Variants in CDH17 observed in about 807,000 individuals in gnomAD.
The protein encoded by CDH17 is cadherin 17.
A neutral mutation model predicts 86.3 loss-of-function variants in CDH17; 67 were observed. The ratio of observed to expected loss-of-function variants is 0.78; its 90% CI spans 0.64 to 0.95. CDH17 has a LOEUF of 0.95. CDH17 is among the 40% of genes least tolerant of loss of function. The pLI, the probability that CDH17 is intolerant of heterozygous loss-of-function variation, is 0.00. For synonymous variants in CDH17, 367 were observed against 366.4 expected, an observed-to-expected ratio of 1.00 and a Z score of -0.02; for missense variants, 993 against 1,017.6, an observed-to-expected ratio of 0.98 and a Z score of 0.33.
intron 3 of CDH17, among the ~76,000 whole-genome samples, chr8:94,181,539 C>A (rs992462740): frequency 1.3e-5 from 2 of 151,098 alleles, no homozygotes; most frequent in Admixed American, 1.3e-4. Context: ...CTCTAAAAAC[C>A]AAAGGTCAAA....
chr8:94,182,147 A>C (rs1202662850), intron 3 of CDH17, among the ~76,000 whole-genome samples: 1 of 152,120 alleles, frequency 6.6e-6, no homozygotes, highest in Non-Finnish European at 1.5e-5. Flanking sequence ...AAATTTCCAC[A>C]CACAAAAAAG....
chr8:94,134,866 T>G (rs1812491353), intron 15 of CDH17, among the ~76,000 whole-genome samples: 1 of 152,248 alleles, frequency 6.6e-6, no homozygotes, highest in African/African-American at 2.4e-5. Flanking sequence ...TGTGTGTTTG[T>G]TCTCATTGGT....
chr8:94,177,430 G>C (rs563668485), intron 4 of CDH17, among the ~76,000 whole-genome samples, 157 bp downstream of exon 4: 1 of 152,318 alleles, frequency 6.6e-6, no homozygotes, highest in South Asian at 2.1e-4. Flanking sequence ...TCTGTAGTTG[G>C]TAAGAAATGG....
chr8:94,151,736 C>T lies in CDH17; in HGVS notation c.1796+132G>A, dbSNP rs1812859042. On this transcript the variant is annotated intron_variant, in intron 13 of 17. Coordinates refer to ENST00000027335, the MANE Select transcript of CDH17 (RefSeq NM_004063.4). ...CCCAGGGTGTTGACAGCTTCCTAAA[C>T]CAAAGCCAATTTCATCATTGCTGGG... The T allele has an allele frequency of 4.1e-6, 5 of 1,233,962 alleles. 1 individual carries two copies. The South Asian group carries it at 7.2e-5, about 18-fold the overall frequency. 76.4% of individuals were successfully genotyped at this position (1,233,962 alleles called of 1,614,324 possible). A position where few individuals can be genotyped will look rare whatever the true frequency, so the allele number is the denominator to read the frequency against.
At chr8:94,167,272 A>G (rs1813175405) in intron 9 of CDH17, among the ~76,000 whole-genome samples, 1 of 152,124 alleles carries the variant, frequency 6.6e-6, no homozygotes, top group African/African-American at 2.4e-5. Flanking sequence ...AAGTTCTGAC[A>G]GGTTCCAGAC....
intron 5 of CDH17, among the ~76,000 whole-genome samples, chr8:94,175,393 A>G (rs1813353081): frequency 6.6e-6 from 1 of 152,100 alleles, no homozygotes; most frequent in Non-Finnish European, 1.5e-5. Flanking sequence ...AATAAACTGA[A>G]GTGAATTTTT....
intron 15 of CDH17, among the ~76,000 whole-genome samples, chr8:94,134,201 T>C (rs950069936): frequency 1.3e-5 from 2 of 152,236 alleles, no homozygotes; most frequent in Admixed American, 6.5e-5. Context: ...CCTCTTTTTC[T>C]ATTGATTGAA....
intron 9 of CDH17, 36 bp downstream of exon 9, chr8:94,170,361 G>A (rs778765148): frequency 1.2e-6 from 2 of 1,600,802 alleles, no homozygotes; most frequent in Non-Finnish European, 1.7e-6. Flanking sequence ...GAAATGGAGG[G>A]CAGTTACACA....
intron 3 of CDH17, among the ~76,000 whole-genome samples, chr8:94,185,727 A>G (rs1042747530): frequency 6.6e-6 from 1 of 152,198 alleles, no homozygotes; most frequent in African/African-American, 2.4e-5. Flanking sequence ...ATTTTTTTAC[A>G]TCAGTGAATT....
At chr8:94,211,383 C>T (rs1814119232), upstream of CDH17, among the ~76,000 whole-genome samples, 1 of 152,152 alleles carries the variant, frequency 6.6e-6, no homozygotes, top group African/African-American at 2.4e-5. Flanking sequence ...ACAATCTCAG[C>T]TCACTGCAAC....
chr8:94,195,310 A>T (rs575435990), intron 1 of CDH17, among the ~76,000 whole-genome samples: 3 of 151,916 alleles, frequency 2.0e-5, no homozygotes, highest in South Asian at 4.2e-4. Flanking sequence ...TATTCCTTTC[A>T]CTCCTATTAT....
intron 9 of CDH17, among the ~76,000 whole-genome samples, chr8:94,166,490 A>G (rs1298048904): frequency 6.6e-6 from 1 of 152,216 alleles, no homozygotes; most frequent in Non-Finnish European, 1.5e-5. Flanking sequence ...ACTTCACCCT[A>G]TGAATCTGGG....
At chr8:94,151,367 G>A (rs556618080) in intron 13 of CDH17, among the ~76,000 whole-genome samples, 1 of 152,264 alleles carries the variant, frequency 6.6e-6, no homozygotes, top group Admixed American at 6.5e-5. Context: ...GCTTCTCCAG[G>A]GGTGCCCTAG....
intron 12 of CDH17, among the ~76,000 whole-genome samples, chr8:94,153,208 AC>A (rs1452595462): frequency 1.3e-5 from 2 of 152,202 alleles, no homozygotes; most frequent in Non-Finnish European, 2.9e-5. Flanking sequence ...TAGGCAAAGG[AC>A]CTGAATAGTC....
chr8:94,210,527 G>A (rs1563594500), upstream of CDH17, among the ~76,000 whole-genome samples: 1 of 152,156 alleles, frequency 6.6e-6, no homozygotes, highest in Non-Finnish European at 1.5e-5. Context: ...ACATGGTTTA[G>A]ACATCCTTCC....
At chr8:94,167,500 C>A (rs548303765) in intron 9 of CDH17, among the ~76,000 whole-genome samples, 1 of 152,290 alleles carries the variant, frequency 6.6e-6, no homozygotes, top group South Asian at 2.1e-4. Flanking sequence ...TACAGTAGAG[C>A]TGGACACATG....
At chr8:94,190,727 C>T (rs1813672364) in intron 2 of CDH17, among the ~76,000 whole-genome samples, 1 of 152,224 alleles carries the variant, frequency 6.6e-6, no homozygotes, top group South Asian at 2.1e-4. Flanking sequence ...TGGGGGAAAA[C>T]CATTTATTTT....
At position 94,127,914 on chromosome 8, in the gene CDH17, G is replaced by A. The variant is rs748766994; in HGVS notation, c.*326C>T. 72 of 237,122 alleles carry A rather than the reference G, an allele frequency of 3.0e-4. No homozygotes were observed. Among genetic ancestry groups the A allele is most frequent in the Middle Eastern group, 1.6e-3 (1 of 618 alleles). The allele number at this position is 237,122 out of a possible 1,614,324, so 14.7% of individuals were successfully genotyped here. A position where few individuals can be genotyped will look rare whatever the true frequency, so the allele number is the denominator to read the frequency against. On this transcript the variant is annotated 3_prime_UTR_variant, in exon 18 of 18. Transcript: ENST00000027335. ...TTCAAGACCAGCCTGGCCAAATGGCGAAACCCCGTCTCTATTAAAAATACA... is the reference window on the plus strand; with the variant it reads ...TTCAAGACCAGCCTGGCCAAATGGCAAAACCCCGTCTCTATTAAAAATACA...
chr8:94,209,226 A>G (rs924123883), upstream of CDH17, among the ~76,000 whole-genome samples: 2 of 152,148 alleles, frequency 1.3e-5, no homozygotes, highest in African/African-American at 4.8e-5. Flanking sequence ...GAGGTTTTTG[A>G]TTAACCAATA....
Sources: gnomAD v4.1 joint callset for allele counts (sites outside exome capture counted in the v4.1 genomes callset) on GRCh38, gnomAD v4.1.1 for gene constraint, MANE v1.5 for transcripts, NCBI Gene and HGNC (gene_info 2026-07-23, HGNC 2026-07-21) for gene names.